The following KIAA0232 variants were observed in gnomAD, a reference collection of about 807,000 sequenced individuals.
KIAA0232 encodes the protein uncharacterized protein KIAA0232.
Under a neutral mutation model 122.0 loss-of-function variants are expected in KIAA0232, and 27 were observed. The ratio of observed to expected loss-of-function variants is 0.22; its 90% CI spans 0.16 to 0.31. The LOEUF is 0.31. KIAA0232 is among the 10% of genes least tolerant of loss of function. KIAA0232 has a pLI of 1.00. For missense variants in KIAA0232, 1,551 were observed against 1,634.2 expected (o/e 0.95, Z 0.88); for synonymous variants, 613 against 587.6 (o/e 1.04, Z -0.63).
At chr4:6,791,516 ATGGGGTTTTACC>A (rs1716893649) in intron 1 of KIAA0232, among the ~76,000 whole-genome samples, 1 of 151,574 alleles carries the variant, frequency 6.6e-6, no homozygotes, top group Non-Finnish European at 1.5e-5. Flanking sequence ...TTTTGTAGAG[ATGGGGTTTTACC>A]ACGTTACCCA....
intron 9 of KIAA0232, among the ~76,000 whole-genome samples, chr4:6,879,823 T>G (rs1721962410): frequency 2.6e-5 from 2 of 75,760 alleles, no homozygotes; most frequent in Admixed American, 2.2e-4. Context: ...CCATCTGCAG[T>G]GCCCCCCCTC....
chr4:6,831,228 G>A (rs564075870), intron 3 of KIAA0232, among the ~76,000 whole-genome samples: 1 of 151,916 alleles, frequency 6.6e-6, no homozygotes, highest in South Asian at 2.1e-4. Context: ...GCTAATTTTT[G>A]TATTTTTAGT....
chr4:6,838,164 G>T (rs1444472375), intron 3 of KIAA0232, among the ~76,000 whole-genome samples: 1 of 150,460 alleles, frequency 6.6e-6, no homozygotes, highest in Non-Finnish European at 1.5e-5. Context: ...ACCCGAACTA[G>T]TAAGTATGAG....
At chr4:6,850,387 A>G (rs17728979) in intron 4 of KIAA0232, among the ~76,000 whole-genome samples, 37,455 of 152,022 alleles carry the variant, frequency 0.25, 4,984 homozygotes, top group Middle Eastern at 0.33. Flanking sequence ...TTATTTTCGT[A>G]TGTTTACTAA....
Position 6,881,151 on chromosome 4 carries a change from T to G in KIAA0232, c.*185T>G, listed in dbSNP as rs747370313. On this transcript the variant is annotated 3_prime_UTR_variant, in exon 10 of 10. Coordinates refer to ENST00000307659, the MANE Select transcript of KIAA0232 (RefSeq NM_014743.3). Reference sequence around the variant, plus strand: ...TGAGGACAGCTATCCTGTTAAAGATTTTTTTTCCCAGCTGTTAAATTCTTG... The same window carrying G: ...TGAGGACAGCTATCCTGTTAAAGATGTTTTTTCCCAGCTGTTAAATTCTTG... 3.6e-5 allele frequency: 16 copies of G among 446,912 alleles called. No individual in the cohort carries two copies. Among genetic ancestry groups the G allele is most frequent in the Non-Finnish European group, 5.7e-5 (15 of 264,932 alleles). 27.7% of individuals were successfully genotyped at this position (446,912 alleles called of 1,614,324 possible).
chr4:6,871,296 T>G (rs1001041235), intron 7 of KIAA0232, among the ~76,000 whole-genome samples: 1 of 152,002 alleles, frequency 6.6e-6, no homozygotes, highest in African/African-American at 2.4e-5. Context: ...GAGCCAGACA[T>G]GGTGGTTCCC....
chr4:6,870,803 G>GAA (rs11461019), intron 7 of KIAA0232, among the ~76,000 whole-genome samples: 3,009 of 143,626 alleles, frequency 0.021, 91 homozygotes, highest in African/African-American at 0.062. Context: ...CTCTGTCTTG[G>GAA]AAAAAAAAAA....
intron 8 of KIAA0232, among the ~76,000 whole-genome samples, chr4:6,874,121 C>A (rs1479547263): frequency 2.6e-5 from 4 of 152,178 alleles, no homozygotes; most frequent in African/African-American, 9.7e-5. Context: ...ATAAGAAAGC[C>A]CCAGCTTTGT....
intron 7 of KIAA0232, among the ~76,000 whole-genome samples, chr4:6,869,978 G>A (rs1000015413): frequency 1.3e-5 from 2 of 152,228 alleles, no homozygotes; most frequent in African/African-American, 4.8e-5. Flanking sequence ...TAGGGGATGT[G>A]GGTGGTAGAA....
chr4:6,786,420 A>G (rs1716619414), intron 1 of KIAA0232, among the ~76,000 whole-genome samples: 2 of 152,126 alleles, frequency 1.3e-5, no homozygotes, highest in South Asian at 4.1e-4. Context: ...CTCCCACCTC[A>G]GCCTCCTGAG....
chr4:6,806,425 A>C (rs1333723621), intron 2 of KIAA0232, among the ~76,000 whole-genome samples: 1 of 152,210 alleles, frequency 6.6e-6, no homozygotes, highest in Non-Finnish European at 1.5e-5. Context: ...CAATTAAACA[A>C]TAAGTTCAAA....
In KIAA0232 at chr4:6,820,215, G is replaced by A. The variant is rs550703170; in HGVS notation, c.-269-3970G>A. ...ACCTCAGCATCATGCAACATACCCAGGTAACAAACTTGCACACGTACCCCC... is the reference window on the plus strand; with the variant it reads ...ACCTCAGCATCATGCAACATACCCAAGTAACAAACTTGCACACGTACCCCC... On this transcript the variant is annotated intron_variant, in intron 2 of 9. Transcript: ENST00000307659. 1.4e-4 allele frequency among the ~76,000 whole-genome samples: 21 copies of A among 152,088 alleles called. 1 individual carries two copies. Among genetic ancestry groups the A allele is most frequent in the African/African-American group, 4.6e-4 (19 of 41,498 alleles).
intron 2 of KIAA0232, among the ~76,000 whole-genome samples, chr4:6,805,900 A>G (rs888305645): frequency 1.3e-5 from 2 of 152,148 alleles, no homozygotes; most frequent in Non-Finnish European, 2.9e-5. Context: ...TCTAAAATTT[A>G]GTTGTTTCGT....
At chr4:6,817,328 C>T (rs1001342478) in intron 2 of KIAA0232, among the ~76,000 whole-genome samples, 1 of 152,086 alleles carries the variant, frequency 6.6e-6, no homozygotes, top group African/African-American at 2.4e-5. Context: ...GTGATTCTTT[C>T]ACCTCAGCCT....
At chr4:6,837,696 G>A (rs535628078) in intron 3 of KIAA0232, among the ~76,000 whole-genome samples, 127 of 152,348 alleles carry the variant, frequency 8.3e-4, no homozygotes, top group African/African-American at 2.8e-3. Context: ...CAGATCACTC[G>A]CGGTCAGAAG....
chr4:6,819,084 G>T (rs556979150), intron 2 of KIAA0232, among the ~76,000 whole-genome samples: 1 of 152,142 alleles, frequency 6.6e-6, no homozygotes, highest in South Asian at 2.1e-4. Context: ...ACCCAACATG[G>T]ATTATAGATA....
At chr4:6,873,839 G>A (rs16839425) in intron 8 of KIAA0232, among the ~76,000 whole-genome samples, 1,526 of 152,276 alleles carry the variant, frequency 0.01, 24 homozygotes, top group African/African-American at 0.032. Flanking sequence ...GTAGCATCAT[G>A]AAGCATCCTT....
chr4:6,850,162 G>A (rs1454246525), intron 4 of KIAA0232, among the ~76,000 whole-genome samples: 3 of 152,186 alleles, frequency 2.0e-5, no homozygotes, highest in South Asian at 2.1e-4. Flanking sequence ...ATAGACATGC[G>A]TGGGGTTAGG....
intron 2 of KIAA0232, among the ~76,000 whole-genome samples, chr4:6,817,119 T>A (rs1718169608): frequency 6.6e-6 from 1 of 152,192 alleles, no homozygotes; most frequent in Non-Finnish European, 1.5e-5. Flanking sequence ...GTCTAGTTTC[T>A]TAAGGTGAAA....
Sources: allele counts gnomAD v4.1 joint callset (sites outside exome capture counted in the v4.1 genomes callset), GRCh38; gene constraint gnomAD v4.1.1; transcripts MANE v1.5; gene names NCBI Gene and HGNC (gene_info 2026-07-23, HGNC 2026-07-21).